PPP1R37: variants seen among roughly 807,000 people sequenced by gnomAD.
PPP1R37 encodes leucine rich repeat containing 68.
PPP1R37 carries 21 observed loss-of-function variants against 61.0 expected under a neutral mutation model. That is an observed-to-expected ratio of 0.34 (90% confidence interval 0.24 to 0.50). PPP1R37 has a LOEUF of 0.50. Among genes scored for constraint, PPP1R37 ranks in the 20% least tolerant of loss-of-function variants. The pLI is 0.98. For missense variants in PPP1R37, 910 were observed against 952.7 expected (o/e 0.96, Z 0.59); for synonymous variants, 443 against 433.5 (o/e 1.02, Z -0.27).
At chr19:45,098,598 C>T (rs1442985064) in intron 1 of PPP1R37, among the ~76,000 whole-genome samples, 2 of 152,126 alleles carry the variant, frequency 1.3e-5, no homozygotes, top group Non-Finnish European at 2.9e-5. Flanking sequence ...CCCAAGCATG[C>T]TACCATCTCT....
chr19:45,102,900 A>G (rs561086113), intron 1 of PPP1R37, among the ~76,000 whole-genome samples: 1 of 152,300 alleles, frequency 6.6e-6, no homozygotes, highest in Admixed American at 6.5e-5. Context: ...CCTGGGCTGG[A>G]GCCACACAGG....
rs1357164532 is a variant in PPP1R37, at chr19:45,129,017, G to A, written c.203-9497G>A. The A allele has an allele frequency of 8.3e-6, 7 of 840,798 alleles. No individual in the cohort carries two copies. In the East Asian group the frequency reaches 1.8e-4, roughly 21 times the overall value. 52.1% of individuals were successfully genotyped at this position (840,798 alleles called of 1,614,324 possible). A position where few individuals can be genotyped will look rare whatever the true frequency, so the allele number is the denominator to read the frequency against. On this transcript the variant is annotated intron_variant, in intron 1 of 12. Transcript: ENST00000221462. ...CAGAGGAGGCAGCTGTTGCAGTCAA[G>A]GCCATGGCAAAAGAACTGGCTCCCA...
At chr19:45,111,823 A>G (rs778345167) in intron 1 of PPP1R37, among the ~76,000 whole-genome samples, 1 of 152,128 alleles carries the variant, frequency 6.6e-6, no homozygotes, top group Non-Finnish European at 1.5e-5. Flanking sequence ...GGTTCAATAA[A>G]AAGGGAAAGG....
intron 1 of PPP1R37, among the ~76,000 whole-genome samples, chr19:45,126,314 C>T (rs945372359): frequency 6.6e-5 from 10 of 152,170 alleles, no homozygotes; most frequent in African/African-American, 2.2e-4. Flanking sequence ...GGGGCCCTTC[C>T]TGTGTGCCTT....
At chr19:45,104,232 C>G (rs1302780289) in intron 1 of PPP1R37, among the ~76,000 whole-genome samples, 1 of 152,196 alleles carries the variant, frequency 6.6e-6, no homozygotes, top group Admixed American at 6.5e-5. Flanking sequence ...CCTCCTCGCT[C>G]TGTTGTTATT....
chr19:45,094,083 C>T (rs1442988780), intron 1 of PPP1R37, among the ~76,000 whole-genome samples: 1 of 152,074 alleles, frequency 6.6e-6, no homozygotes, highest in African/African-American at 2.4e-5. Flanking sequence ...AGATAAGGTC[C>T]CAGAAGAGGA....
chr19:45,141,072 C>T (rs1431728766), intron 4 of PPP1R37, among the ~76,000 whole-genome samples: 1 of 152,182 alleles, frequency 6.6e-6, no homozygotes, highest in Non-Finnish European at 1.5e-5. Flanking sequence ...CAAGGCCTGT[C>T]CTGGTCACTC....
At chr19:45,097,809 C>T (rs547304436) in intron 1 of PPP1R37, among the ~76,000 whole-genome samples, 4 of 152,206 alleles carry the variant, frequency 2.6e-5, no homozygotes, top group Admixed American at 6.5e-5. Flanking sequence ...TCCTCTTCTC[C>T]GCTTTCCTCA....
At chr19:45,108,015 C>A (rs542087637) in intron 1 of PPP1R37, among the ~76,000 whole-genome samples, 1 of 152,132 alleles carries the variant, frequency 6.6e-6, no homozygotes. Context: ...GCTCATCACA[C>A]GGGTAGCCTT....
Position 45,094,927 on chromosome 19 carries a change from T to C in PPP1R37, c.202+1400T>C, listed in dbSNP as rs996378545. 1.3e-5 allele frequency among the ~76,000 whole-genome samples: 2 copies of C among 152,078 alleles called. 1 individual carries two copies. The highest frequency in any genetic ancestry group is 4.1e-4 in the South Asian group (2 of 4,826). ...TAGGGCTGGGAAAGTGGAAAGTCGC[T>C]TGGGACATGCAGGGCAGTGTTGAGT... On this transcript the variant is annotated intron_variant, in intron 1 of 12. Transcript: ENST00000221462.
chr19:45,102,359 G>A (rs983288548), intron 1 of PPP1R37, among the ~76,000 whole-genome samples: 3 of 152,252 alleles, frequency 2.0e-5, no homozygotes, highest in African/African-American at 4.8e-5. Flanking sequence ...GAGGCAGCAC[G>A]GGAGCCCCCT....
intron 1 of PPP1R37, among the ~76,000 whole-genome samples, chr19:45,099,647 TG>T (rs1399172033): frequency 6.6e-6 from 1 of 152,220 alleles, no homozygotes; most frequent in Non-Finnish European, 1.5e-5. Flanking sequence ...TTTGTGCCTG[TG>T]ATTATCTGTG....
chr19:45,114,713 G>A (rs940306092), intron 1 of PPP1R37, among the ~76,000 whole-genome samples: 4 of 151,994 alleles, frequency 2.6e-5, no homozygotes, highest in African/African-American at 9.7e-5. Context: ...TTGGGAGGCC[G>A]AGGCAGGAGG....
chr19:45,127,150 G>A (rs1227984194), intron 1 of PPP1R37, among the ~76,000 whole-genome samples: 1 of 152,008 alleles, frequency 6.6e-6, no homozygotes, highest in African/African-American at 2.4e-5. Flanking sequence ...AGGAGTTTGA[G>A]ACCAGCCTGA....
In PPP1R37 at chr19:45,146,737, G is replaced by T; in HGVS notation, c.*175G>T. 1 of 441,048 alleles carries T rather than the reference G, an allele frequency of 2.3e-6. No homozygotes were observed. The highest frequency in any genetic ancestry group is 4.2e-6 in the Non-Finnish European group (1 of 236,934). The allele number at this position is 441,048 out of a possible 1,614,324, so 27.3% of individuals were successfully genotyped here. A position where few individuals can be genotyped will look rare whatever the true frequency, so the allele number is the denominator to read the frequency against. On this transcript the variant is annotated 3_prime_UTR_variant, in exon 13 of 13. Transcript: ENST00000221462. Reference sequence around the variant, plus strand: ...AGGGGTGCAGGAGCTACAGGGAGTGGCCCTCCGCGCGTGACTCAAGCACTT... The same window carrying T: ...AGGGGTGCAGGAGCTACAGGGAGTGTCCCTCCGCGCGTGACTCAAGCACTT...
intron 1 of PPP1R37, among the ~76,000 whole-genome samples, chr19:45,117,406 G>A (rs911981081): frequency 3.3e-5 from 5 of 152,180 alleles, no homozygotes; most frequent in African/African-American, 1.2e-4. Context: ...TGGCATCAGG[G>A]GGCCTTGTCC....
chr19:45,139,670 G>A (rs952228313), intron 2 of PPP1R37, among the ~76,000 whole-genome samples: 3 of 152,282 alleles, frequency 2.0e-5, no homozygotes, highest in African/African-American at 7.2e-5. Context: ...GTCCCAGGAA[G>A]GGTGGCTGCT....
In PPP1R37 at chr19:45,121,728, G is replaced by C. The variant is rs79728963; in HGVS notation, c.203-16786G>C. ...CGGTGGGGTGCTGGGGCCTCCACGG[G>C]CGTCATTCTGTGGTTGCTCCAGGAT... On this transcript the variant is annotated intron_variant, in intron 1 of 12. Coordinates refer to ENST00000221462, the MANE Select transcript of PPP1R37 (RefSeq NM_019121.2). The surrounding 1 kb of genome is among the most constrained non-coding windows in gnomAD (Gnocchi z 4.2). Among the ~76,000 whole-genome samples the C allele has an allele frequency of 0.014, 2,197 of 152,334 alleles. 64 individuals carry two copies. Among genetic ancestry groups the C allele is most frequent in the African/African-American group, 0.051 (2,112 of 41,580 alleles).
chr19:45,107,916 A>G (rs1018642668), intron 1 of PPP1R37, among the ~76,000 whole-genome samples: 2 of 152,216 alleles, frequency 1.3e-5, no homozygotes, highest in African/African-American at 2.4e-5. Context: ...CATTCTAGCC[A>G]TTTCCGCATT....
Sources: gnomAD v4.1 joint callset for allele counts (sites outside exome capture counted in the v4.1 genomes callset) on GRCh38, gnomAD v4.1.1 for gene constraint, Gnocchi (gnomAD v3.1) non-coding constraint, MANE v1.5 for transcripts, NCBI Gene and HGNC (gene_info 2026-07-23, HGNC 2026-07-21) for gene names.